The following XPR1 variants were observed in gnomAD, a reference collection of about 807,000 sequenced individuals.
XPR1 encodes the protein xenotropic and polytropic retrovirus receptor 1.
A neutral mutation model predicts 87.5 loss-of-function variants in XPR1; 28 were observed. The ratio of observed to expected loss-of-function variants is 0.32; its 90% CI spans 0.24 to 0.44. The LOEUF (loss-of-function observed/expected upper bound fraction) is 0.44. Among genes scored for constraint, XPR1 ranks in the 20% least tolerant of loss-of-function variants. XPR1 has a pLI of 1.00. For synonymous variants in XPR1, 300 were observed against 306.1 expected (o/e 0.98, Z 0.21); for missense variants, 559 against 862.3 (o/e 0.65, Z 4.41).
intron 1 of XPR1, among the ~76,000 whole-genome samples, chr1:180,642,636 A>G (rs1250597952): frequency 6.6e-6 from 1 of 152,156 alleles, no homozygotes; most frequent in Non-Finnish European, 1.5e-5. Flanking sequence ...CACAGGTATG[A>G]CACAGATATT....
At chr1:180,716,380 C>T (rs2101991248) in intron 2 of XPR1, among the ~76,000 whole-genome samples, 1 of 152,244 alleles carries the variant, frequency 6.6e-6, no homozygotes, top group East Asian at 1.9e-4. Flanking sequence ...TGAGCCACTG[C>T]ATGGCCTCAG....
intron 14 of XPR1, 152 bp downstream of exon 14, chr1:180,880,449 C>G (rs922229682): frequency 1.3e-6 from 1 of 765,006 alleles, no homozygotes; most frequent in Non-Finnish European, 2.1e-6. Flanking sequence ...AGCAGCAATT[C>G]CATATGATAC....
chr1:180,814,284 C>T (rs770038725), intron 7 of XPR1, among the ~76,000 whole-genome samples: 29 of 152,120 alleles, frequency 1.9e-4, no homozygotes, highest in Non-Finnish European at 1.3e-4. Flanking sequence ...TATGGTCAAT[C>T]CTGAGTTTAT....
At chr1:180,661,290 A>C (rs754589025) in intron 1 of XPR1, among the ~76,000 whole-genome samples, 11 of 152,058 alleles carry the variant, frequency 7.2e-5, no homozygotes, top group South Asian at 4.1e-4. Context: ...TTAAAAAAAA[A>C]CAGGGTCTTG....
At chr1:180,831,215 G>A (rs1342939699) in intron 9 of XPR1, among the ~76,000 whole-genome samples, 1 of 152,104 alleles carries the variant, frequency 6.6e-6, no homozygotes. Context: ...AGTTAGCTAA[G>A]ATGGAGAACA....
chr1:180,729,325 T>C (rs1042179847), intron 2 of XPR1, among the ~76,000 whole-genome samples: 2 of 152,228 alleles, frequency 1.3e-5, no homozygotes, highest in African/African-American at 2.4e-5. Flanking sequence ...GTCTTTATGG[T>C]AAAACATTTT....
chr1:180,855,493 C>T (rs1571897837), intron 11 of XPR1, among the ~76,000 whole-genome samples: 2 of 152,002 alleles, frequency 1.3e-5, no homozygotes, highest in South Asian at 2.1e-4. Context: ...GGTGAAACCT[C>T]GTCTCTACTA....
At chr1:180,751,139 G>C (rs961003854) in intron 2 of XPR1, among the ~76,000 whole-genome samples, 1 of 151,936 alleles carries the variant, frequency 6.6e-6, no homozygotes, top group Admixed American at 6.6e-5. Context: ...ACTTACTCTA[G>C]AAGTGCTTTT....
At chr1:180,749,639 T>TCACACA (rs139363505) in intron 2 of XPR1, among the ~76,000 whole-genome samples, 4,906 of 142,368 alleles carry the variant, frequency 0.034, 131 homozygotes, top group African/African-American at 0.05. Context: ...CACATATACA[T>TCACACA]CACACACACA....
At chr1:180,817,563 C>CA (rs1650456142) in intron 7 of XPR1, among the ~76,000 whole-genome samples, 1 of 152,156 alleles carries the variant, frequency 6.6e-6, no homozygotes, top group East Asian at 1.9e-4. Context: ...CAATTGCCTA[C>CA]AGTATTCTGT....
rs1392645335 is a variant in XPR1, at chr1:180,656,405, T to TA, written c.69+24135_69+24136insA. Among the ~76,000 whole-genome samples, 15 of 47,454 alleles carry TA rather than the reference T, an allele frequency of 3.2e-4. 1 individual carries two copies. The highest frequency in any genetic ancestry group is 3.0e-3 in the East Asian group (6 of 2,010). 31.1% of individuals were successfully genotyped at this position (47,454 alleles called of 152,430 possible). A position where few individuals can be genotyped will look rare whatever the true frequency, so the allele number is the denominator to read the frequency against. ...TATTCATGTATTTATATATAAATATTTATATATTTATATATAAATATTTAT... is the reference window on the plus strand; with the variant it reads ...TATTCATGTATTTATATATAAATATTATATATATTTATATATAAATATTTAT... On this transcript the variant is annotated intron_variant, in intron 1 of 14. Coordinates refer to ENST00000367590, the MANE Select transcript of XPR1 (RefSeq NM_004736.4).
chr1:180,805,772 C>T (rs892432033), intron 4 of XPR1, among the ~76,000 whole-genome samples: 2 of 151,990 alleles, frequency 1.3e-5, no homozygotes, highest in Non-Finnish European at 1.5e-5. Flanking sequence ...AAACAGGAAA[C>T]AAAAACATTT....
Position 180,836,514 on chromosome 1 carries a change from CT to C in XPR1, c.1307-6del. ...AATGGTAATTTTTCTTCTTTGAAAT[CT>C]TCACAGAATCAGGAATTTGCCACAA... On this transcript the variant is annotated splice_region_variant and splice_polypyrimidine_tract_variant and intron_variant, in intron 10 of 14. Transcript: ENST00000367590. The C allele has an allele frequency of 3.7e-6, 6 of 1,613,722 alleles. No individual in the cohort carries two copies. Among genetic ancestry groups the C allele is most frequent in the Non-Finnish European group, 5.1e-6 (6 of 1,179,882 alleles).
chr1:180,855,081 G>A (rs969614485), intron 11 of XPR1, among the ~76,000 whole-genome samples: 4 of 152,132 alleles, frequency 2.6e-5, no homozygotes, highest in African/African-American at 9.7e-5. Context: ...GAAAAATGCT[G>A]ATGTGAGATC....
rs545466991 is a variant in XPR1, at chr1:180,774,698, C to T, written c.122-13055C>T. Among the ~76,000 whole-genome samples, 5 of 152,004 alleles carry T rather than the reference C, an allele frequency of 3.3e-5. No homozygotes were observed. In the South Asian group the frequency reaches 8.3e-4, roughly 25 times the overall value. On this transcript the variant is annotated intron_variant, in intron 2 of 14. Transcript: ENST00000367590. ...CTGGGATTACAGGTGTCAGCCACCA[C>T]GTCTGGCCTGTCTTTCCTATCTTTT...
intron 1 of XPR1, among the ~76,000 whole-genome samples, chr1:180,670,825 A>C (rs1195256725): frequency 6.6e-6 from 1 of 152,230 alleles, no homozygotes; most frequent in Non-Finnish European, 1.5e-5. Flanking sequence ...CTGTTTGAGA[A>C]TGTCCTAATT....
intron 1 of XPR1, among the ~76,000 whole-genome samples, chr1:180,681,421 G>A (rs1459919794): frequency 1.3e-5 from 2 of 152,114 alleles, no homozygotes; most frequent in Non-Finnish European, 2.9e-5. Flanking sequence ...CGAGGAGGGC[G>A]GATCATGAGG....
chr1:180,858,572 T>C (rs1652111722), intron 11 of XPR1, among the ~76,000 whole-genome samples: 1 of 152,180 alleles, frequency 6.6e-6, no homozygotes, highest in Non-Finnish European at 1.5e-5. Flanking sequence ...TCATTCTGGT[T>C]CCCCCATTTA....
At chr1:180,841,157 G>T (rs1040233514) in intron 11 of XPR1, among the ~76,000 whole-genome samples, 2 of 152,022 alleles carry the variant, frequency 1.3e-5, no homozygotes, top group Non-Finnish European at 2.9e-5. Context: ...GAGATAAGCA[G>T]GGTACCGAAA....
Sources: gnomAD v4.1 joint callset for allele counts (sites outside exome capture counted in the v4.1 genomes callset) on GRCh38, gnomAD v4.1.1 for gene constraint, MANE v1.5 for transcripts, NCBI Gene and HGNC (gene_info 2026-07-23, HGNC 2026-07-21) for gene names.